ZSCAN30: variants seen among roughly 807,000 people sequenced by gnomAD.
ZSCAN30 encodes the protein zinc finger and SCAN domain-containing protein 30.
ZSCAN30 carries 37 observed loss-of-function variants against 44.3 expected under a neutral mutation model. The ratio of observed to expected loss-of-function variants is 0.84; its 90% confidence interval spans 0.64 to 1.10. The LOEUF (loss-of-function observed/expected upper bound fraction) is 1.10. ZSCAN30 is among the 50% of genes least tolerant of loss of function. The pLI, the probability that ZSCAN30 is intolerant of heterozygous loss-of-function variation, is 0.00. For missense variants in ZSCAN30, 549 were observed against 582.6 expected, an observed-to-expected ratio of 0.94 and a Z score of 0.59; for synonymous variants, 181 against 204.6, an observed-to-expected ratio of 0.88 and a Z score of 0.98.
intron 3 of ZSCAN30, chr18:35,262,630 C>T (rs2044050375): frequency 6.6e-6 from 1 of 152,182 alleles, no homozygotes; most frequent in Non-Finnish European, 1.5e-5. Flanking sequence ...TTCCAAAGGC[C>T]CCATCCCTAT....
intron 1 of ZSCAN30, among the ~76,000 whole-genome samples, chr18:35,287,675 C>T (rs1359545057): frequency 6.6e-6 from 1 of 151,144 alleles, no homozygotes; most frequent in East Asian, 1.9e-4. Flanking sequence ...AATGTAAAAC[C>T]TAAAAATCCT....
chr18:35,253,376 T>C lies in ZSCAN30; in HGVS notation c.*74A>G. ...ACAGAAGTTCTGCTCTCAGGAAACT[T>C]TTCTTTTCTGTGGAGTCTCACCCCT... On this transcript the variant is annotated 3_prime_UTR_variant, in exon 4 of 4. Coordinates refer to ENST00000333206, the MANE Select transcript of ZSCAN30 (RefSeq NM_001112734.4). The C allele has an allele frequency of 7.4e-7, 1 of 1,345,636 alleles. No homozygotes were observed. Among genetic ancestry groups the C allele is most frequent in the South Asian group, 1.6e-5 (1 of 63,890 alleles). The allele number at this position is 1,345,636 out of a possible 1,614,324, so 83.4% of individuals were successfully genotyped here. A position where few individuals can be genotyped will look rare whatever the true frequency, so the allele number is the denominator to read the frequency against.
intron 3 of ZSCAN30, chr18:35,262,430 A>G (rs958808779): frequency 6.6e-6 from 1 of 152,202 alleles, no homozygotes; most frequent in Non-Finnish European, 1.5e-5. Flanking sequence ...TTATTGCCTC[A>G]GTTTCAAATC....
At chr18:35,289,602 T>C (rs1053055624) in intron 1 of ZSCAN30, 4 of 152,234 alleles carry the variant, frequency 2.6e-5, no homozygotes, top group African/African-American at 7.2e-5. Flanking sequence ...TATCCTTTCC[T>C]ACCCTGATTA....
chr18:35,253,441 C>T lies in ZSCAN30; in HGVS notation c.*9G>A. On this transcript the variant is annotated 3_prime_UTR_variant, in exon 4 of 4. Transcript: ENST00000333206. ...GCATTTCACAATTGTACAACTCTTA[C>T]CCACAGAGTTAAACTCTGGTGTGTG... 1.1e-5 allele frequency: 17 copies of T among 1,548,724 alleles called. No individual in the cohort carries two copies. The highest frequency in any genetic ancestry group is 1.5e-5 in the Non-Finnish European group (17 of 1,146,506).
chr18:35,279,738 C>T (rs1339351929), intron 1 of ZSCAN30, among the ~76,000 whole-genome samples: 1 of 152,176 alleles, frequency 6.6e-6, no homozygotes, highest in Non-Finnish European at 1.5e-5. Flanking sequence ...GACACTTAAT[C>T]CCACTCATAA....
Position 35,253,574 on chromosome 18 carries a change from G to A in ZSCAN30, c.1361C>T (p.Ser454Leu). The A allele has an allele frequency of 1.2e-6, 2 of 1,614,074 alleles. No homozygotes were observed. The highest frequency in any genetic ancestry group is 1.7e-6 in the Non-Finnish European group (2 of 1,179,968). ...AATTCTCTGGTGCTGGGTGAGGGCTGAGCTCTGATTGAAGGATTTTCCACA... is the reference window on the plus strand; with the variant it reads ...AATTCTCTGGTGCTGGGTGAGGGCTAAGCTCTGATTGAAGGATTTTCCACA... ...NECGKSFNQS[S>L]ALTQHQRIHT... Residue 454 changes from serine to leucine, a missense_variant, in exon 4 of 4, where the codon TCA (serine) becomes TTA (leucine). Coordinates refer to ENST00000333206, the MANE Select transcript of ZSCAN30 (RefSeq NM_001112734.4).
chr18:35,253,319 GTCT>G lies in ZSCAN30; in HGVS notation c.*128_*130del. The G allele has an allele frequency of 3.1e-6, 2 of 637,944 alleles. No homozygotes were observed. Among genetic ancestry groups the G allele is most frequent in the South Asian group, 2.7e-5 (1 of 36,686 alleles). 39.5% of individuals were successfully genotyped at this position (637,944 alleles called of 1,614,324 possible). On this transcript the variant is annotated 3_prime_UTR_variant, in exon 4 of 4. Coordinates refer to ENST00000333206, the MANE Select transcript of ZSCAN30 (RefSeq NM_001112734.4). ...TCATAACAAACATCTTTGTGTGCAT[GTCT>G]TCTTATAGTACCGAACTGGGAGGGA... is the stretch of plus-strand genomic sequence containing the variant.
chr18:35,266,455 T>C (rs1309586570), intron 1 of ZSCAN30, among the ~76,000 whole-genome samples: 1 of 151,948 alleles, frequency 6.6e-6, no homozygotes, highest in African/African-American at 2.4e-5. Context: ...GTATAAGGGC[T>C]TGGAAGAGAG....
At chr18:35,286,850 G>A (rs940114282) in intron 1 of ZSCAN30, among the ~76,000 whole-genome samples, 3 of 151,864 alleles carry the variant, frequency 2.0e-5, no homozygotes, top group African/African-American at 4.8e-5. Context: ...GCCTTACTGC[G>A]CTGAAAATAA....
intron 1 of ZSCAN30, among the ~76,000 whole-genome samples, chr18:35,286,904 T>C (rs542287386): frequency 6.6e-6 from 1 of 152,180 alleles, no homozygotes. Flanking sequence ...ACTGATCTCA[T>C]ATGTAGAATA....
chr18:35,274,305 G>A (rs2044334306), intron 1 of ZSCAN30, among the ~76,000 whole-genome samples: 1 of 152,064 alleles, frequency 6.6e-6, no homozygotes, highest in African/African-American at 2.4e-5. Context: ...CCAAAGTGCT[G>A]GGATTATAGG....
Position 35,254,222 on chromosome 18 carries a change from T to G in ZSCAN30, c.713A>C (p.Gln238Pro), listed in dbSNP as rs2249769. Reference protein sequence around the residue: ...ALGGLDNSKKQKGNAAGNKIS... With the variant: ...ALGGLDNSKKPKGNAAGNKIS... Reference sequence around the variant, plus strand: ...TTTGTTCCCTGCAGCATTTCCCTTTTGCTTCTTAGAGTTGTCCAGACCTCC... The same window carrying G: ...TTTGTTCCCTGCAGCATTTCCCTTTGGCTTCTTAGAGTTGTCCAGACCTCC... Residue 238 changes from glutamine (Q) to proline (P), a missense_variant, in exon 4 of 4, where the codon CAA (glutamine) becomes CCA (proline). Physicochemically the swap from Gln to Pro is moderately conservative, Grantham distance 76. Transcript: ENST00000333206. The G allele has an allele frequency of 0.044, 71,475 of 1,614,102 alleles. 3,367 individuals carry two copies. Among genetic ancestry groups the G allele is most frequent in the East Asian group, 0.23 (10,350 of 44,868 alleles).
chr18:35,255,507 C>A (rs1431337055), intron 3 of ZSCAN30, among the ~76,000 whole-genome samples: 1 of 151,982 alleles, frequency 6.6e-6, no homozygotes, highest in Non-Finnish European at 1.5e-5. Context: ...TTCTTAACAT[C>A]AAAACTTGTA....
intron 3 of ZSCAN30, chr18:35,262,255 A>G (rs1231304896): frequency 6.6e-6 from 1 of 152,224 alleles, no homozygotes; most frequent in African/African-American, 2.4e-5. Flanking sequence ...AGTTAATAAG[A>G]TTGCTTGGTG....
intron 3 of ZSCAN30, chr18:35,260,933 T>C (rs759404301): frequency 1.7e-4 from 26 of 152,250 alleles, no homozygotes; most frequent in Non-Finnish European, 1.9e-4. Flanking sequence ...CCCATGCCTA[T>C]GTCCTGAATG....
chr18:35,272,475 G>A (rs558170906), intron 1 of ZSCAN30, among the ~76,000 whole-genome samples: 1 of 151,796 alleles, frequency 6.6e-6, no homozygotes, highest in South Asian at 2.1e-4. Context: ...ATCCTAGCTG[G>A]GATTACAGGT....
At chr18:35,268,694 TGGA>T (rs2044213531) in intron 1 of ZSCAN30, 1 of 152,380 alleles carries the variant, frequency 6.6e-6, no homozygotes, top group East Asian at 1.9e-4. Context: ...ATGTTACCTG[TGGA>T]CTGTCCTTTC....
rs537369230 is a variant in ZSCAN30 at position 35,277,850 on chromosome 18, T to C, written c.-104+12234A>G. Among the ~76,000 whole-genome samples, 12 of 152,278 alleles carry C rather than the reference T, an allele frequency of 7.9e-5. No individual in the cohort carries two copies. The East Asian group carries it at 1.5e-3, about 20-fold the overall frequency. On this transcript the variant is annotated intron_variant, in intron 1 of 3. Transcript: ENST00000333206. ...CCTAGCATCAAGCAAAAGATGACTGTACTTCCTTCCTTCTGCTGTTCTGTT... is the reference window on the plus strand; with the variant it reads ...CCTAGCATCAAGCAAAAGATGACTGCACTTCCTTCCTTCTGCTGTTCTGTT...
Sources: gnomAD v4.1 joint callset for allele counts (sites outside exome capture counted in the v4.1 genomes callset) on GRCh38, gnomAD v4.1.1 for gene constraint, MANE v1.5 for transcripts, NCBI Gene and HGNC (gene_info 2026-07-23, HGNC 2026-07-21) for gene names.